ANKS1B: variants seen among roughly 807,000 people sequenced by gnomAD.
The protein encoded by ANKS1B is ankyrin repeat and sterile alpha motif domain containing 1B, also known as ankyrin repeat and sterile alpha motif domain-containing protein 1B.
ANKS1B carries 36 observed loss-of-function variants against 148.3 expected under a neutral mutation model. The observed-to-expected ratio is 0.24, with a 90% CI of 0.19 to 0.32. The LOEUF (loss-of-function observed/expected upper bound fraction) is 0.32, where lower values mean the gene tolerates loss of function less well. Among genes scored for constraint, ANKS1B ranks in the 10% least tolerant of loss-of-function variants. The probability of loss-of-function intolerance (pLI) is 1.00; values close to 1 mark genes in which losing one functional copy is unlikely to be tolerated. For missense variants in ANKS1B, 1,157 were observed against 1,542.6 expected (o/e 0.75, Z 4.19); for synonymous variants, 542 against 560.8 (o/e 0.97, Z 0.47).
chr12:99,322,851 T>C (rs2085562484), intron 12 of ANKS1B, among the ~76,000 whole-genome samples: 1 of 152,204 alleles, frequency 6.6e-6, no homozygotes, highest in South Asian at 2.1e-4. Context: ...GTTCTCACGG[T>C]AGTGAGTAAG....
chr12:98,852,840 G>A (rs1293324561), intron 17 of ANKS1B, among the ~76,000 whole-genome samples: 1 of 152,108 alleles, frequency 6.6e-6, no homozygotes, highest in East Asian at 1.9e-4. Flanking sequence ...GGGGTGCAGG[G>A]TGAGTACTTT....
chr12:99,829,947 A>G (rs1371671281), intron 1 of ANKS1B, among the ~76,000 whole-genome samples: 1 of 152,220 alleles, frequency 6.6e-6, no homozygotes. Context: ...TTTCAATTAA[A>G]CAAACAAACC....
intron 6 of ANKS1B, among the ~76,000 whole-genome samples, chr12:99,777,484 G>A (rs1478401121): frequency 6.6e-6 from 1 of 152,110 alleles, no homozygotes; most frequent in Non-Finnish European, 1.5e-5. Flanking sequence ...AAAGTCCATG[G>A]TTATGTCACA....
intron 1 of ANKS1B, among the ~76,000 whole-genome samples, chr12:99,863,181 T>C (rs1466903165): frequency 6.6e-6 from 1 of 152,196 alleles, no homozygotes; most frequent in Non-Finnish European, 1.5e-5. Flanking sequence ...CTCTGTTTTT[T>C]ATATCAATCC....
chr12:99,384,890 T>C (rs1034105793), intron 12 of ANKS1B, among the ~76,000 whole-genome samples: 1 of 152,216 alleles, frequency 6.6e-6, no homozygotes, highest in Non-Finnish European at 1.5e-5. Flanking sequence ...TTATTTCCAG[T>C]ATCTTGCCTG....
At chr12:99,183,084 T>A (rs2079331199) in intron 14 of ANKS1B, among the ~76,000 whole-genome samples, 1 of 152,236 alleles carries the variant, frequency 6.6e-6, no homozygotes, top group Non-Finnish European at 1.5e-5. Context: ...ATGGAGGGTT[T>A]GCAAATATTT....
At chr12:99,856,244 C>T (rs554189086) in intron 1 of ANKS1B, among the ~76,000 whole-genome samples, 17 of 152,136 alleles carry the variant, frequency 1.1e-4, no homozygotes, top group Admixed American at 2.0e-4. Context: ...ACAACTGATA[C>T]CACAGAAATA....
At chr12:99,405,228 T>TA (rs1207807062) in intron 11 of ANKS1B, among the ~76,000 whole-genome samples, 7 of 144,224 alleles carry the variant, frequency 4.9e-5, no homozygotes, top group Admixed American at 2.1e-4. Context: ...AACTCATGAG[T>TA]AAAAAAAACA....
At chr12:98,926,105 C>T (rs2099807802) in intron 17 of ANKS1B, among the ~76,000 whole-genome samples, 1 of 152,136 alleles carries the variant, frequency 6.6e-6, no homozygotes, top group Non-Finnish European at 1.5e-5. Context: ...ATTCTCTCAT[C>T]TCTAGTTGAC....
chr12:99,871,255 T>C (rs2091475382), intron 1 of ANKS1B, among the ~76,000 whole-genome samples: 1 of 152,194 alleles, frequency 6.6e-6, no homozygotes, highest in Admixed American at 6.5e-5. Context: ...CTCTATTCTG[T>C]CCCATTGGTC....
Position 99,625,473 on chromosome 12 carries a change from C to T in ANKS1B, c.1272+29594G>A, listed in dbSNP as rs372676115. On this transcript the variant is annotated intron_variant, in intron 9 of 26. Transcript: ENST00000683438. Reference sequence around the variant, plus strand: ...TTCTTTACTTGCCATTGTTTGTCTCCACTCCTAGAATGCAAAATTTATATC... The same window carrying T: ...TTCTTTACTTGCCATTGTTTGTCTCTACTCCTAGAATGCAAAATTTATATC... Among the ~76,000 whole-genome samples, 14 of 152,222 alleles carry T rather than the reference C, an allele frequency of 9.2e-5. No homozygotes were observed. The East Asian group carries it at 1.2e-3, about 13-fold the overall frequency.
intron 8 of ANKS1B, among the ~76,000 whole-genome samples, chr12:99,721,614 G>A (rs2058090969): frequency 6.6e-6 from 1 of 151,976 alleles, no homozygotes; most frequent in South Asian, 2.1e-4. Context: ...TTATAAAACG[G>A]CCCCACCCCT....
chr12:99,374,005 T>C (rs889191720), intron 12 of ANKS1B, among the ~76,000 whole-genome samples: 3 of 152,166 alleles, frequency 2.0e-5, no homozygotes, highest in African/African-American at 4.8e-5. Context: ...CCTGGATGCT[T>C]AGTGATGTAT....
chr12:99,657,457 G>T (rs2153448490), intron 8 of ANKS1B, among the ~76,000 whole-genome samples: 1 of 152,172 alleles, frequency 6.6e-6, no homozygotes, highest in African/African-American at 2.4e-5. Flanking sequence ...GTAAAGTCCT[G>T]AGAGCATTTT....
At chr12:99,071,802 A>G (rs1451895342) in intron 16 of ANKS1B, among the ~76,000 whole-genome samples, 4 of 152,064 alleles carry the variant, frequency 2.6e-5, no homozygotes, top group Non-Finnish European at 5.9e-5. Context: ...GCGCGCCACC[A>G]TGCCAGGCTA....
intron 17 of ANKS1B, among the ~76,000 whole-genome samples, chr12:98,883,705 T>C (rs1390960729): frequency 6.6e-6 from 1 of 152,204 alleles, no homozygotes; most frequent in Non-Finnish European, 1.5e-5. Flanking sequence ...CTTTACAAAT[T>C]AGGAGCCGAA....
chr12:98,999,242 G>A (rs192518483), intron 17 of ANKS1B, among the ~76,000 whole-genome samples: 3,432 of 152,270 alleles, frequency 0.023, 121 homozygotes, highest in South Asian at 0.17. Flanking sequence ...GTCAACTTTC[G>A]GTGAGCAAGA....
chr12:98,810,273 C>T (rs2099084328), intron 19 of ANKS1B, among the ~76,000 whole-genome samples: 1 of 152,246 alleles, frequency 6.6e-6, no homozygotes, highest in African/African-American at 2.4e-5. Context: ...AAAAGCCCTT[C>T]TGACGAACAG....
intron 19 of ANKS1B, among the ~76,000 whole-genome samples, chr12:98,820,291 C>T (rs955596465): frequency 2.6e-5 from 4 of 152,336 alleles, no homozygotes; most frequent in Middle Eastern, 3.4e-3. Flanking sequence ...GGGCAAGCCA[C>T]ATAAATGCTC....
Sources: allele counts gnomAD v4.1 joint callset (sites outside exome capture counted in the v4.1 genomes callset), GRCh38; gene constraint gnomAD v4.1.1; transcripts MANE v1.5; gene names NCBI Gene and HGNC (gene_info 2026-07-23, HGNC 2026-07-21).